TTC28: variants seen among roughly 807,000 people sequenced by gnomAD.
TTC28 encodes the protein tetratricopeptide repeat domain 28.
Under a neutral mutation model 198.0 loss-of-function variants are expected in TTC28, and 61 were observed. The observed-to-expected ratio is 0.31, with a 90% CI of 0.25 to 0.38. The LOEUF (loss-of-function observed/expected upper bound fraction) is 0.38, where lower values mean the gene tolerates loss of function less well. Among genes scored for constraint, TTC28 ranks in the 10% least tolerant of loss-of-function variants. The probability of loss-of-function intolerance (pLI) is 1.00; values close to 1 mark genes in which losing one functional copy is unlikely to be tolerated. For missense variants in TTC28, 2,678 were observed against 3,164.0 expected, an observed-to-expected ratio of 0.85 and a Z score of 3.69; for synonymous variants, 1,171 against 1,297.8, an observed-to-expected ratio of 0.90 and a Z score of 2.10.
chr22:28,163,869 A>C (rs753916054), intron 5 of TTC28, among the ~76,000 whole-genome samples: 3 of 152,234 alleles, frequency 2.0e-5, no homozygotes, highest in African/African-American at 4.8e-5. Context: ...GGGAAGCACA[A>C]GGGGTCAAGG....
intron 5 of TTC28, among the ~76,000 whole-genome samples, chr22:28,254,654 A>C (rs911975124): frequency 6.6e-6 from 1 of 152,192 alleles, no homozygotes; most frequent in African/African-American, 2.4e-5. Flanking sequence ...CCTCCCACTA[A>C]AACACATATT....
At chr22:28,498,863 T>C (rs1022755541) in intron 2 of TTC28, among the ~76,000 whole-genome samples, 2 of 152,166 alleles carry the variant, frequency 1.3e-5, no homozygotes, top group African/African-American at 4.8e-5. Context: ...TGGGCCAATA[T>C]ATTGACAATT....
At chr22:28,649,391 T>A (rs1166277191) in intron 1 of TTC28, among the ~76,000 whole-genome samples, 4 of 151,956 alleles carry the variant, frequency 2.6e-5, no homozygotes, top group Non-Finnish European at 5.9e-5. Flanking sequence ...ATAAATAAAA[T>A]TTTTTAAATA....
At chr22:28,333,233 G>T (rs947548407) in intron 2 of TTC28, among the ~76,000 whole-genome samples, 3 of 152,038 alleles carry the variant, frequency 2.0e-5, no homozygotes, top group Non-Finnish European at 4.4e-5. Flanking sequence ...CTGGACAAAT[G>T]TTAACAACTG....
At chr22:28,163,741 A>G in intron 5 of TTC28, 142 bp from the exon 6 acceptor site, 4 of 965,234 alleles carry the variant, frequency 4.1e-6, no homozygotes, top group Non-Finnish European at 3.0e-6. Flanking sequence ...GTGACGCAGA[A>G]GACGGGTGAT....
At chr22:28,570,510 A>T (rs1393447314) in intron 2 of TTC28, among the ~76,000 whole-genome samples, 1 of 152,148 alleles carries the variant, frequency 6.6e-6, no homozygotes, top group East Asian at 1.9e-4. Context: ...ATACACATGA[A>T]CACAAAGAAG....
At position 27,979,840 on chromosome 22, in the gene TTC28, T is replaced by TATC. The variant is rs1326092574; in HGVS notation, c.*2378_*2380dup. The stretch of plus-strand genomic sequence containing the variant: ...CTTTACAGTGGCCTCTAGACTGTTC[T>TATC]ATCATTTTATCACTTTTGTTTTCCC... On this transcript the variant is annotated 3_prime_UTR_variant, in exon 23 of 23. Coordinates refer to ENST00000397906, the MANE Select transcript of TTC28 (RefSeq NM_001145418.2). 6.6e-6 allele frequency: 1 copy of TATC among 152,248 alleles called. No individual in the cohort carries two copies. The highest frequency in any genetic ancestry group is 2.4e-5 in the African/African-American group (1 of 41,474). The allele number at this position is 152,248 out of a possible 1,614,324, so 9.4% of individuals were successfully genotyped here.
At chr22:28,536,212 A>AT (rs1346532187) in intron 2 of TTC28, among the ~76,000 whole-genome samples, 3 of 147,616 alleles carry the variant, frequency 2.0e-5, no homozygotes, top group African/African-American at 7.6e-5. Flanking sequence ...AAAAAAAAAA[A>AT]AAAAAAAACA....
chr22:28,241,426 G>T (rs1475547517), intron 5 of TTC28, among the ~76,000 whole-genome samples: 3 of 152,066 alleles, frequency 2.0e-5, no homozygotes, highest in African/African-American at 7.2e-5. Context: ...AAAAATAGCA[G>T]ATCAAACATT....
intron 2 of TTC28, among the ~76,000 whole-genome samples, chr22:28,399,048 T>C (rs2046861152): frequency 6.6e-6 from 1 of 151,468 alleles, no homozygotes; most frequent in Admixed American, 6.6e-5. Context: ...CTAACTGTAG[T>C]GATCTGGCAA....
At chr22:28,164,139 T>A (rs1282943016) in intron 5 of TTC28, among the ~76,000 whole-genome samples, 3 of 152,074 alleles carry the variant, frequency 2.0e-5, no homozygotes, top group Admixed American at 2.0e-4. Flanking sequence ...GTAAACAAAG[T>A]GGCCAGGAAG....
chr22:28,460,648 TAGATAGATAGATAGATAGAC>T (rs747703102), intron 2 of TTC28, among the ~76,000 whole-genome samples: 50 of 131,076 alleles, frequency 3.8e-4, no homozygotes, highest in Admixed American at 1.4e-3. Context: ...GATAGATAGA[TAGATAGATAGATAGATAGAC>T]AGACAGACAG....
chr22:27,995,847 C>T (rs761973942), intron 17 of TTC28, among the ~76,000 whole-genome samples: 7 of 152,202 alleles, frequency 4.6e-5, no homozygotes, highest in African/African-American at 1.7e-4. Flanking sequence ...CTGTATGGCA[C>T]CACACACCAT....
chr22:28,438,599 T>C (rs941348036), intron 2 of TTC28, among the ~76,000 whole-genome samples: 8 of 152,188 alleles, frequency 5.3e-5, no homozygotes, highest in Admixed American at 5.2e-4. Flanking sequence ...AAAAATCCAA[T>C]CAGCAGCAGC....
At chr22:28,584,016 GTTT>G (rs67108156) in intron 2 of TTC28, among the ~76,000 whole-genome samples, 3 of 132,994 alleles carry the variant, frequency 2.3e-5, no homozygotes, top group African/African-American at 2.8e-5. Context: ...GTTTTGTTTT[GTTT>G]TTTTTTTTTT....
chr22:28,379,138 A>G (rs780766499), intron 2 of TTC28, among the ~76,000 whole-genome samples: 3 of 152,206 alleles, frequency 2.0e-5, no homozygotes, highest in Non-Finnish European at 4.4e-5. Context: ...CTCTAGACCT[A>G]GTGAAAATAT....
At chr22:28,257,734 TAG>T in intron 5 of TTC28, among the ~76,000 whole-genome samples, 1 of 92,276 alleles carries the variant, frequency 1.1e-5, no homozygotes, top group South Asian at 3.2e-4. Flanking sequence ...TAGATGGTAA[TAG>T]AACATATATA....
At chr22:28,645,805 CT>C (rs2051455357) in intron 1 of TTC28, among the ~76,000 whole-genome samples, 1 of 152,014 alleles carries the variant, frequency 6.6e-6, no homozygotes, top group African/African-American at 2.4e-5. Context: ...ATGCGGCATC[CT>C]TTTGTGATTA....
chr22:28,174,520 A>G (rs1922973443), intron 5 of TTC28, among the ~76,000 whole-genome samples: 1 of 152,198 alleles, frequency 6.6e-6, no homozygotes, highest in Non-Finnish European at 1.5e-5. Flanking sequence ...CATATGATTC[A>G]TACTGCTCTT....
Sources: gnomAD v4.1 joint callset for allele counts (sites outside exome capture counted in the v4.1 genomes callset) on GRCh38, gnomAD v4.1.1 for gene constraint, MANE v1.5 for transcripts, NCBI Gene and HGNC (gene_info 2026-07-23, HGNC 2026-07-21) for gene names.